The following RFX7 variants were observed in gnomAD, a reference collection of about 807,000 sequenced individuals.
The protein encoded by RFX7 is regulatory factor X7, also known as DNA-binding protein RFX7.
Under a neutral mutation model 111.8 loss-of-function variants are expected in RFX7, and 26 were observed. That is an observed-to-expected ratio of 0.23 (90% confidence interval 0.17 to 0.32). The LOEUF (loss-of-function observed/expected upper bound fraction) is 0.32. Among genes scored for constraint, RFX7 ranks in the 10% least tolerant of loss-of-function variants. RFX7 has a pLI of 1.00. For missense variants in RFX7, 1,573 were observed against 1,772.9 expected, an observed-to-expected ratio of 0.89 and a Z score of 2.02; for synonymous variants, 624 against 624.4, an observed-to-expected ratio of 1.00 and a Z score of 0.01.
chr15:56,214,819 T>A (rs1480062676), intron 2 of RFX7, among the ~76,000 whole-genome samples: 2 of 152,184 alleles, frequency 1.3e-5, no homozygotes, highest in Admixed American at 1.3e-4. Flanking sequence ...ACACTATCGA[T>A]TTTTATTGTA....
In RFX7 at chr15:56,090,094, AC is replaced by A. The variant is rs1381219959; in HGVS notation, c.*3250del. On this transcript the variant is annotated 3_prime_UTR_variant, in exon 10 of 10. Coordinates refer to ENST00000559447, the MANE Select transcript of RFX7 (RefSeq NM_022841.7). Reference sequence around the variant, plus strand: ...AGACCTGTAGCCCAGCTTCTGGCTTACAAATTCATTACACTTATCAGTTTGT... The same window carrying A: ...AGACCTGTAGCCCAGCTTCTGGCTTAAAATTCATTACACTTATCAGTTTGT... 1.3e-5 allele frequency: 2 copies of A among 152,170 alleles called. No individual in the cohort carries two copies. Among genetic ancestry groups the A allele is most frequent in the African/African-American group, 4.8e-5 (2 of 41,450 alleles). 9.4% of individuals were successfully genotyped at this position (152,170 alleles called of 1,614,324 possible). A position where few individuals can be genotyped will look rare whatever the true frequency, so the allele number is the denominator to read the frequency against.
At chr15:56,140,341 G>T (rs540148404) in intron 5 of RFX7, among the ~76,000 whole-genome samples, 5 of 152,200 alleles carry the variant, frequency 3.3e-5, no homozygotes, top group Non-Finnish European at 5.9e-5. Flanking sequence ...TAAGCCCGTC[G>T]GAAAAGCGCA....
intron 5 of RFX7, among the ~76,000 whole-genome samples, chr15:56,107,976 G>C (rs564204630): frequency 6.6e-6 from 1 of 152,196 alleles, no homozygotes; most frequent in African/African-American, 2.4e-5. Flanking sequence ...AAAATTCCTG[G>C]ACACATACAC....
chr15:56,142,725 T>C (rs1215220827), intron 5 of RFX7, 53 bp downstream of exon 5: 6 of 1,514,674 alleles, frequency 4.0e-6, no homozygotes, highest in Admixed American at 1.8e-5. Context: ...TGGCCAAGTA[T>C]AGTATTTTAC....
chr15:56,150,974 G>A (rs1595969041), intron 3 of RFX7, among the ~76,000 whole-genome samples: 1 of 150,860 alleles, frequency 6.6e-6, no homozygotes, highest in African/African-American at 2.4e-5. Context: ...ATCAGCTGAA[G>A]ATCAACTTAA....
chr15:56,087,471 C>T lies in RFX7; in HGVS notation c.*5874G>A, dbSNP rs1486151363. 2.2e-6 allele frequency: 1 copy of T among 456,562 alleles called. No homozygotes were observed. The highest frequency in any genetic ancestry group is 4.4e-6 in the Non-Finnish European group (1 of 226,966). 28.3% of individuals were successfully genotyped at this position (456,562 alleles called of 1,614,324 possible). ...AGGGCTGCTTGAGTTCTAGCCATCA[C>T]ATTTGCATTCCAGCCAGCAGAGAGG... On this transcript the variant is annotated 3_prime_UTR_variant, in exon 10 of 10. Coordinates refer to ENST00000559447, the MANE Select transcript of RFX7 (RefSeq NM_022841.7).
intron 3 of RFX7, among the ~76,000 whole-genome samples, chr15:56,149,503 T>C (rs2042537498): frequency 6.6e-6 from 1 of 152,216 alleles, no homozygotes; most frequent in Admixed American, 6.5e-5. Context: ...CTGAGGTACC[T>C]GGTTCATCTC....
chr15:56,166,027 C>T (rs1368687520), intron 3 of RFX7, among the ~76,000 whole-genome samples: 2 of 152,088 alleles, frequency 1.3e-5, no homozygotes, highest in African/African-American at 4.8e-5. Flanking sequence ...CTCAGCCTCC[C>T]AAGCAGCTGA....
intron 5 of RFX7, among the ~76,000 whole-genome samples, chr15:56,107,719 G>A (rs2041850594): frequency 1.3e-5 from 2 of 152,154 alleles, no homozygotes; most frequent in South Asian, 4.1e-4. Flanking sequence ...TTTAACAGAT[G>A]AGGTATTTTT....
chr15:56,108,084 A>C (rs2041855995), intron 5 of RFX7, among the ~76,000 whole-genome samples: 1 of 152,248 alleles, frequency 6.6e-6, no homozygotes, highest in Non-Finnish European at 1.5e-5. Context: ...AACCAAAAAA[A>C]GCCCAGGACC....
At chr15:56,238,945 T>C (rs1168744653) in intron 2 of RFX7, among the ~76,000 whole-genome samples, 1 of 152,102 alleles carries the variant, frequency 6.6e-6, no homozygotes, top group Non-Finnish European at 1.5e-5. Flanking sequence ...GGGATTCTCC[T>C]GCCTCAGCCT....
At chr15:56,184,710 A>C (rs2043019286) in intron 2 of RFX7, among the ~76,000 whole-genome samples, 1 of 152,112 alleles carries the variant, frequency 6.6e-6, no homozygotes, top group Admixed American at 6.5e-5. Flanking sequence ...TTGCTCCCTT[A>C]CTTTTCTGTG....
At chr15:56,195,090 A>G (rs374246453) in intron 2 of RFX7, among the ~76,000 whole-genome samples, 6 of 152,168 alleles carry the variant, frequency 3.9e-5, no homozygotes, top group East Asian at 1.9e-4. Flanking sequence ...AAAGGAATGC[A>G]GTATCAACAA....
intron 2 of RFX7, among the ~76,000 whole-genome samples, chr15:56,202,691 A>G (rs72738651): frequency 0.067 from 10,265 of 152,316 alleles, 454 homozygotes; most frequent in Non-Finnish European, 0.1. Flanking sequence ...GTGTGCTTAT[A>G]GATCCAGCTA....
chr15:56,241,023 A>C (rs187341290), intron 2 of RFX7, among the ~76,000 whole-genome samples: 142 of 152,230 alleles, frequency 9.3e-4, no homozygotes, highest in Non-Finnish European at 1.3e-3. Context: ...TATTATCTAC[A>C]AATGTTGTTT....
chr15:56,153,661 T>C (rs1344311385), intron 3 of RFX7, among the ~76,000 whole-genome samples: 2 of 152,174 alleles, frequency 1.3e-5, no homozygotes, highest in African/African-American at 2.4e-5. Flanking sequence ...TAAGAGCTAT[T>C]TATGACAAAC....
At chr15:56,218,468 G>A (rs190540153) in intron 2 of RFX7, among the ~76,000 whole-genome samples, 64 of 152,218 alleles carry the variant, frequency 4.2e-4, no homozygotes, top group African/African-American at 1.4e-3. Context: ...AATGTATGCA[G>A]TTACATGCAA....
chr15:56,137,708 G>A (rs1240175345), intron 5 of RFX7, among the ~76,000 whole-genome samples: 3 of 152,038 alleles, frequency 2.0e-5, no homozygotes, highest in African/African-American at 4.8e-5. Flanking sequence ...TGTGATGTTA[G>A]GGTGTCAATT....
intron 4 of RFX7, among the ~76,000 whole-genome samples, chr15:56,143,286 T>G (rs937620926): frequency 1.3e-5 from 2 of 152,012 alleles, no homozygotes; most frequent in East Asian, 3.8e-4. Context: ...CTCAGCATTC[T>G]CATATAATAT....
Sources: gnomAD v4.1 joint callset for allele counts (sites outside exome capture counted in the v4.1 genomes callset) on GRCh38, gnomAD v4.1.1 for gene constraint, MANE v1.5 for transcripts, NCBI Gene and HGNC (gene_info 2026-07-23, HGNC 2026-07-21) for gene names.